MARCHF8: variants seen among roughly 807,000 people sequenced by gnomAD.
MARCHF8 encodes the protein E3 ubiquitin-protein ligase MARCHF8.
In MARCHF8, 40 loss-of-function variants were observed where a neutral mutation model predicts 51.6. That is an observed-to-expected ratio of 0.77 (90% CI 0.60 to 1.01). MARCHF8 has a LOEUF of 1.01. MARCHF8 is among the 50% of genes least tolerant of loss of function. MARCHF8 has a pLI of 0.00. For synonymous variants in MARCHF8, 263 were observed against 280.3 expected (o/e 0.94, Z 0.62); for missense variants, 685 against 708.6 (o/e 0.97, Z 0.38).
chr10:45,561,132 TAAAAATAAATCTGG>T (rs2044305651), intron 1 of MARCHF8, among the ~76,000 whole-genome samples: 1 of 151,890 alleles, frequency 6.6e-6, no homozygotes, highest in South Asian at 2.1e-4. Context: ...AAAAAGGGAA[TAAAAATAAATCTGG>T]AAAAATAAGC....
chr10:45,513,610 C>G (rs542995279), intron 2 of MARCHF8, among the ~76,000 whole-genome samples: 4 of 152,202 alleles, frequency 2.6e-5, no homozygotes, highest in African/African-American at 7.2e-5. Context: ...TACTCTGGCT[C>G]TTTTCATCTT....
At chr10:45,570,424 T>C (rs1412964897) in intron 1 of MARCHF8, among the ~76,000 whole-genome samples, 1 of 152,172 alleles carries the variant, frequency 6.6e-6, no homozygotes, top group Non-Finnish European at 1.5e-5. Flanking sequence ...AAGTTCCATA[T>C]CCATTCCGGG....
At chr10:45,501,860 G>C (rs2043286454) in intron 2 of MARCHF8, among the ~76,000 whole-genome samples, 1 of 152,116 alleles carries the variant, frequency 6.6e-6, no homozygotes, top group Non-Finnish European at 1.5e-5. Flanking sequence ...AGGATACTCA[G>C]ATGGCAAATA....
chr10:45,577,067 T>A (rs909379004), intron 1 of MARCHF8, among the ~76,000 whole-genome samples: 7 of 151,782 alleles, frequency 4.6e-5, no homozygotes, highest in Admixed American at 2.0e-4. Flanking sequence ...AGAGACTTCA[T>A]GAATGGGATT....
intron 5 of MARCHF8, chr10:45,462,293 G>C (rs953649444): frequency 1.3e-5 from 2 of 152,324 alleles, no homozygotes; most frequent in African/African-American, 4.8e-5. Context: ...GTGAATTATG[G>C]AGGCCAGACA....
intron 1 of MARCHF8, among the ~76,000 whole-genome samples, chr10:45,554,781 G>A (rs920897203): frequency 3.9e-5 from 6 of 152,194 alleles, no homozygotes; most frequent in Non-Finnish European, 5.9e-5. Flanking sequence ...AGGGCCGGGC[G>A]TGGTTGCCCA....
chr10:45,458,407 G>C lies in MARCHF8; in HGVS notation c.1554C>G (p.Ile518Met), dbSNP rs769982900. The change falls in exon 8 of 8, where the codon ATC becomes ATG. Residue 518 changes from isoleucine (I) to methionine (M), a missense_variant. Coordinates refer to ENST00000453424, the MANE Select transcript of MARCHF8 (RefSeq NM_001282866.2). Reference protein sequence around the residue: ...WKRLKAYNRVIYVQNCPETSK... With the variant: ...WKRLKAYNRVMYVQNCPETSK... ...TTGTTTCTGGACAGTTTTGAACATAGATCACTCTATTATAGGCCTTGAGTC... is the reference window on the plus strand; with the variant it reads ...TTGTTTCTGGACAGTTTTGAACATACATCACTCTATTATAGGCCTTGAGTC... The C allele has an allele frequency of 1.2e-6, 2 of 1,614,108 alleles. No homozygotes were observed. Among genetic ancestry groups the C allele is most frequent in the Non-Finnish European group, 1.7e-6 (2 of 1,180,026 alleles).
chr10:45,484,782 G>A (rs1280680422), intron 3 of MARCHF8, among the ~76,000 whole-genome samples: 1 of 152,016 alleles, frequency 6.6e-6, no homozygotes, highest in African/African-American at 2.4e-5. Flanking sequence ...CAAAAGGTGC[G>A]CAAATAGGAA....
chr10:45,561,006 C>T (rs2044304347), intron 1 of MARCHF8, among the ~76,000 whole-genome samples: 4 of 152,106 alleles, frequency 2.6e-5, no homozygotes, highest in African/African-American at 9.7e-5. Flanking sequence ...ACAGTCCTTT[C>T]CCAGTTCTTT....
At chr10:45,521,405 G>A (rs1392177897) in intron 2 of MARCHF8, among the ~76,000 whole-genome samples, 1 of 152,208 alleles carries the variant, frequency 6.6e-6, no homozygotes, top group Non-Finnish European at 1.5e-5. Flanking sequence ...ATAGTAAAAT[G>A]TAGGGGCCTT....
chr10:45,499,872 C>T (rs1331127190), intron 2 of MARCHF8, among the ~76,000 whole-genome samples: 1 of 152,168 alleles, frequency 6.6e-6, no homozygotes, highest in Non-Finnish European at 1.5e-5. Flanking sequence ...GAGCATCACA[C>T]CATCACTTTG....
At chr10:45,580,072 A>G (rs1253175106) in intron 1 of MARCHF8, among the ~76,000 whole-genome samples, 1 of 151,788 alleles carries the variant, frequency 6.6e-6, no homozygotes, top group Non-Finnish European at 1.5e-5. Context: ...GAAAGAAATA[A>G]TCTAAACTGT....
chr10:45,533,765 G>C (rs1020005655), intron 1 of MARCHF8, among the ~76,000 whole-genome samples: 10 of 152,122 alleles, frequency 6.6e-5, no homozygotes, highest in African/African-American at 2.4e-4. Flanking sequence ...TCCAAAAGTA[G>C]AGACTCTACA....
At chr10:45,577,687 T>A (rs2133411773) in intron 1 of MARCHF8, among the ~76,000 whole-genome samples, 1 of 152,268 alleles carries the variant, frequency 6.6e-6, no homozygotes, top group African/African-American at 2.4e-5. Flanking sequence ...TTTCCACTGT[T>A]TATAAATTAC....
At chr10:45,465,286 G>A (rs1279619184) in intron 3 of MARCHF8, among the ~76,000 whole-genome samples, 1 of 152,122 alleles carries the variant, frequency 6.6e-6, no homozygotes, top group Non-Finnish European at 1.5e-5. Flanking sequence ...TCTGCTCCAT[G>A]CAACCCCAAC....
At chr10:45,492,659 A>G (rs896972808) in intron 2 of MARCHF8, among the ~76,000 whole-genome samples, 1 of 152,226 alleles carries the variant, frequency 6.6e-6, no homozygotes, top group Non-Finnish European at 1.5e-5. Context: ...GGACAACATC[A>G]GAGATATTTT....
chr10:45,525,725 GTGA>G (rs1220692427), intron 2 of MARCHF8, among the ~76,000 whole-genome samples: 2 of 152,216 alleles, frequency 1.3e-5, no homozygotes, highest in East Asian at 3.8e-4. Context: ...TCGATCTGTT[GTGA>G]TGAACTGGTA....
At chr10:45,472,091 G>A (rs1395220164) in intron 3 of MARCHF8, among the ~76,000 whole-genome samples, 2 of 152,118 alleles carry the variant, frequency 1.3e-5, no homozygotes, top group African/African-American at 4.8e-5. Flanking sequence ...CAGGAAAAAT[G>A]ACCCTCACTT....
intron 3 of MARCHF8, among the ~76,000 whole-genome samples, chr10:45,488,011 C>T (rs1396701542): frequency 6.6e-6 from 1 of 152,006 alleles, no homozygotes; most frequent in Admixed American, 6.6e-5. Context: ...AAGGGGTTGG[C>T]CAGAGTCAAT....
Sources: allele counts gnomAD v4.1 joint callset (sites outside exome capture counted in the v4.1 genomes callset), GRCh38; gene constraint gnomAD v4.1.1; transcripts MANE v1.5; gene names NCBI Gene and HGNC (gene_info 2026-07-23, HGNC 2026-07-21).